CTBP2: variants seen among roughly 807,000 people sequenced by gnomAD.
The protein encoded by CTBP2 is C-terminal-binding protein 2.
CTBP2 carries 30 observed loss-of-function variants against 80.3 expected under a neutral mutation model. The observed-to-expected ratio is 0.37, with a 90% CI of 0.28 to 0.51. The LOEUF (loss-of-function observed/expected upper bound fraction) is 0.51. Among genes scored for constraint, CTBP2 ranks in the 20% least tolerant of loss-of-function variants. CTBP2 has a pLI of 0.93. For synonymous variants in CTBP2, 594 were observed against 587.4 expected, an observed-to-expected ratio of 1.01 and a Z score of -0.16; for missense variants, 1,212 against 1,375.3, an observed-to-expected ratio of 0.88 and a Z score of 1.88.
At position 125,073,603 on chromosome 10, in the gene CTBP2, T is replaced by G. The variant is rs533401344; in HGVS notation, c.-101-34448A>C. ...AAGTAAGATAAACATGTTAATAAAA[T>G]TGGAAACCGATTTGTACGTGGCAAA... On this transcript the variant is annotated intron_variant, in intron 2 of 10. Coordinates refer to the CTBP2 transcript ENST00000337195. Among the ~76,000 whole-genome samples the G allele has an allele frequency of 2.0e-5, 3 of 152,350 alleles. No individual in the cohort carries two copies. The South Asian group carries it at 6.2e-4, about 32-fold the overall frequency.
At chr10:124,994,424 A>G (rs1173917835) in intron 5 of CTBP2, 45 bp downstream of exon 7, 3 of 1,589,410 alleles carry the variant, frequency 1.9e-6, no homozygotes, top group South Asian at 1.1e-5. Context: ...AGCAAGTGCT[A>G]CCACCTTTCG....
chr10:125,131,541 C>T (rs1268964016), intron 1 of CTBP2, among the ~76,000 whole-genome samples: 1 of 152,180 alleles, frequency 6.6e-6, no homozygotes, highest in Non-Finnish European at 1.5e-5. Context: ...TTCTATCTAA[C>T]CCAAGCAAGT....
intron 2 of CTBP2, among the ~76,000 whole-genome samples, chr10:125,040,535 A>AT (rs140771355): frequency 0.076 from 10,718 of 141,292 alleles, 515 homozygotes; most frequent in Admixed American, 0.12. Flanking sequence ...TGTCTTCTGT[A>AT]TTTTTTTTTT....
upstream of CTBP2, among the ~76,000 whole-genome samples, chr10:125,028,962 T>TG (rs112289618): frequency 3.9e-5 from 6 of 152,290 alleles, no homozygotes; most frequent in African/African-American, 1.4e-4. Context: ...CTTAAACATA[T>TG]GGAACAGTAC....
Position 125,107,754 on chromosome 10 carries a change from G to A in CTBP2, c.-102+3236C>T, listed in dbSNP as rs75964574. Among the ~76,000 whole-genome samples, 1,229 of 152,244 alleles carry A rather than the reference G, an allele frequency of 8.1e-3. 19 individuals carry two copies. The highest frequency in any genetic ancestry group is 0.028 in the African/African-American group (1,170 of 41,530). ...ACTGTCTTTCCCAGAGGCCCTGGTC[G>A]GCAGGCCAAGCTTCTACATCATCCT... On this transcript the variant is annotated intron_variant, in intron 2 of 10. Transcript: ENST00000337195.
intron 2 of CTBP2, among the ~76,000 whole-genome samples, chr10:125,069,689 T>G (rs930415288): frequency 6.6e-6 from 1 of 152,018 alleles, no homozygotes; most frequent in Non-Finnish European, 1.5e-5. Context: ...CAATATTAAA[T>G]CCCCAAGCCA....
At chr10:125,023,390 C>T (rs1230366232) in intron 1 of CTBP2, among the ~76,000 whole-genome samples, 1 of 152,210 alleles carries the variant, frequency 6.6e-6, no homozygotes, top group Admixed American at 6.5e-5. Context: ...ATGGCCGCAG[C>T]CCCATTCGTT....
In CTBP2 at chr10:125,026,590, A is replaced by AGCAGCAGGCTGGGGCTGCAGG. The variant is rs1564739713; in HGVS notation, c.1169_1170insCCTGCAGCCCCAGCCTGCTGC (p.Ala390_Pro391insLeuGlnProGlnProAlaAla). On this transcript the variant is annotated inframe_insertion, in exon 1 of 9. Transcript: ENST00000309035. Reference sequence around the variant, plus strand: ...CTCGGGGGGATGCTGTCTGCAGAGGAGCCGCAGCGCCCAGAGAAGCCAAGT... The same window carrying AGCAGCAGGCTGGGGCTGCAGG: ...CTCGGGGGGATGCTGTCTGCAGAGGAGCAGCAGGCTGGGGCTGCAGGGCCGCAGCGCCCAGAGAAGCCAAGT... 1 of 1,559,538 alleles carries AGCAGCAGGCTGGGGCTGCAGG rather than the reference A, an allele frequency of 6.4e-7. No individual in the cohort carries two copies. The highest frequency in any genetic ancestry group is 8.7e-7 in the Non-Finnish European group (1 of 1,152,238).
intron 1 of CTBP2, among the ~76,000 whole-genome samples, chr10:125,147,930 G>T (rs1010104605): frequency 1.3e-5 from 2 of 151,972 alleles, no homozygotes; most frequent in East Asian, 1.9e-4. Context: ...AAACACATAC[G>T]GTACGTCAGG....
chr10:125,153,895 C>T (rs1860458009), intron 1 of CTBP2, among the ~76,000 whole-genome samples: 1 of 152,158 alleles, frequency 6.6e-6, no homozygotes, highest in Non-Finnish European at 1.5e-5. Flanking sequence ...GGCTGGAGCA[C>T]AGCCACGATA....
chr10:125,002,555 G>C lies in CTBP2; in HGVS notation c.1978+405C>G, dbSNP rs559485939. Among the ~76,000 whole-genome samples, 401 of 152,340 alleles carry C rather than the reference G, an allele frequency of 2.6e-3. 1 individual carries two copies. The highest frequency in any genetic ancestry group is 8.8e-3 in the African/African-American group (367 of 41,576). Reference sequence around the variant, plus strand: ...CCCATGTGGACAGGGGCCTAGAGCTGTGCACACGGCAGGGGCAGTTTAGGG... The same window carrying C: ...CCCATGTGGACAGGGGCCTAGAGCTCTGCACACGGCAGGGGCAGTTTAGGG... On this transcript the variant is annotated intron_variant, in intron 3 of 8. Coordinates refer to ENST00000309035, the MANE Select transcript of CTBP2 (RefSeq NM_022802.3).
intron 1 of CTBP2, chr10:125,122,808 G>A (rs1230208127): frequency 6.6e-6 from 1 of 152,176 alleles, no homozygotes; most frequent in Non-Finnish European, 1.5e-5. Context: ...ACCAAGCAAG[G>A]GTCCTGTCAC....
intron 1 of CTBP2, among the ~76,000 whole-genome samples, chr10:125,128,875 A>G (rs777648973): frequency 2.6e-5 from 4 of 152,254 alleles, no homozygotes; most frequent in Non-Finnish European, 5.9e-5. Flanking sequence ...TGCTCAGAAT[A>G]GCGAAAAGCT....
In CTBP2 at chr10:125,027,739, ATGCC is replaced by A. The variant is rs1278365807; in HGVS notation, c.17_20del (p.Arg6IlefsTer2). ...AGCTCTGAGAACGACCAATATTTAT[ATGCC>A]TGCTGGGAACTGGCATTGGAAAAAA... On this transcript the variant is annotated frameshift_variant, in exon 1 of 9. Coordinates refer to ENST00000309035, the MANE Select transcript of CTBP2 (RefSeq NM_022802.3). LOFTEE classifies it high-confidence loss of function. 3 of 1,597,108 alleles carry A rather than the reference ATGCC, an allele frequency of 1.9e-6. No individual in the cohort carries two copies. Among genetic ancestry groups the A allele is most frequent in the Non-Finnish European group, 2.6e-6 (3 of 1,169,128 alleles).
At chr10:125,074,598 G>A (rs557479158) in intron 2 of CTBP2, among the ~76,000 whole-genome samples, 14 of 152,268 alleles carry the variant, frequency 9.2e-5, no homozygotes, top group African/African-American at 2.9e-4. Context: ...CGCCCGCCTC[G>A]GCCTCCCAAA....
intron 3 of CTBP2, among the ~76,000 whole-genome samples, chr10:125,034,130 T>A (rs1024259352): frequency 6.6e-6 from 1 of 152,314 alleles, no homozygotes; most frequent in South Asian, 2.1e-4. Context: ...GAGACGCTTA[T>A]GTTTGTGCTT....
intron 1 of CTBP2, among the ~76,000 whole-genome samples, chr10:125,132,273 C>A (rs1484561123): frequency 6.6e-6 from 1 of 151,798 alleles, no homozygotes; most frequent in Non-Finnish European, 1.5e-5. Context: ...AGACCAGCAT[C>A]ATTTTATAAA....
intron 2 of CTBP2, among the ~76,000 whole-genome samples, chr10:125,039,695 G>A (rs558478076): frequency 1.0e-3 from 155 of 152,342 alleles, no homozygotes; most frequent in Non-Finnish European, 1.0e-3. Context: ...TACCACGTGA[G>A]AACGCGGGTG....
At chr10:125,005,521 G>A (rs776582855) in intron 1 of CTBP2, 13 of 1,591,604 alleles carry the variant, frequency 8.2e-6, no homozygotes, top group African/African-American at 4.0e-5. Context: ...AGGCAGGGAC[G>A]AGGGCCAACA....
Sources: gnomAD v4.1 joint callset for allele counts (sites outside exome capture counted in the v4.1 genomes callset) on GRCh38, gnomAD v4.1.1 for gene constraint, MANE v1.5 for transcripts, NCBI Gene and HGNC (gene_info 2026-07-23, HGNC 2026-07-21) for gene names.